LDLRAD3: variants seen among roughly 807,000 people sequenced by gnomAD.
The protein encoded by LDLRAD3 is low density lipoprotein receptor class A domain containing 3, also known as low-density lipoprotein receptor class A domain-containing protein 3.
LDLRAD3 carries 20 observed loss-of-function variants against 29.4 expected under a neutral mutation model. The observed-to-expected ratio is 0.68, with a 90% confidence interval of 0.48 to 0.99. The LOEUF (loss-of-function observed/expected upper bound fraction) is 0.99. LDLRAD3 is among the 50% of genes least tolerant of loss of function. The pLI is 0.00. For missense variants in LDLRAD3, 420 were observed against 454.3 expected (o/e 0.92, Z 0.69); for synonymous variants, 157 against 192.7 (o/e 0.81, Z 1.53).
At chr11:36,061,869 ATT>A (rs1201065067) in intron 2 of LDLRAD3, among the ~76,000 whole-genome samples, 1 of 152,194 alleles carries the variant, frequency 6.6e-6, no homozygotes, top group East Asian at 1.9e-4. Flanking sequence ...TCAATTGCTT[ATT>A]AGCTCATAAA....
At chr11:36,034,406 A>G (rs1488126595) in intron 1 of LDLRAD3, among the ~76,000 whole-genome samples, 1 of 152,064 alleles carries the variant, frequency 6.6e-6, no homozygotes, top group Admixed American at 6.5e-5. Context: ...CTGGCCACAT[A>G]TAGGGGTTGA....
At chr11:36,130,937 C>T (rs1853916915) in intron 4 of LDLRAD3, among the ~76,000 whole-genome samples, 1 of 152,174 alleles carries the variant, frequency 6.6e-6, no homozygotes. Flanking sequence ...ATCCTAATGT[C>T]TTTATCTAAC....
chr11:36,116,844 C>CTTTTTTT, intron 4 of LDLRAD3, among the ~76,000 whole-genome samples: 1 of 136,986 alleles, frequency 7.3e-6, no homozygotes, highest in Non-Finnish European at 1.6e-5. Flanking sequence ...TTCTTTTTTT[C>CTTTTTTT]TTTTTTTTTT....
chr11:36,090,937 C>T (rs1853271000), intron 3 of LDLRAD3, among the ~76,000 whole-genome samples: 1 of 152,160 alleles, frequency 6.6e-6, no homozygotes, highest in Admixed American at 6.5e-5. Context: ...TGACAGGTGT[C>T]AATAGGCAAG....
intron 1 of LDLRAD3, among the ~76,000 whole-genome samples, chr11:36,026,432 T>C (rs1852168074): frequency 6.6e-6 from 1 of 151,446 alleles, no homozygotes; most frequent in Admixed American, 6.5e-5. Context: ...TCTATTAGGA[T>C]TGGCTGGGTC....
intron 3 of LDLRAD3, among the ~76,000 whole-genome samples, chr11:36,088,698 A>C (rs1853232019): frequency 6.6e-6 from 1 of 152,144 alleles, no homozygotes. Context: ...AGCCGAGCTA[A>C]AAGTGTCAAC....
chr11:36,215,914 G>C (rs540743185), intron 4 of LDLRAD3, among the ~76,000 whole-genome samples: 13 of 152,276 alleles, frequency 8.5e-5, no homozygotes, highest in African/African-American at 2.2e-4. Context: ...TGACAAACTC[G>C]CAGATCCCAA....
intron 4 of LDLRAD3, among the ~76,000 whole-genome samples, chr11:36,171,233 C>G (rs192600531): frequency 5.0e-4 from 76 of 152,138 alleles, no homozygotes; most frequent in African/African-American, 1.8e-3. Context: ...AGATTTTCTC[C>G]CATTCTGTTG....
At chr11:36,206,357 A>T (rs1003721685) in intron 4 of LDLRAD3, among the ~76,000 whole-genome samples, 1 of 152,236 alleles carries the variant, frequency 6.6e-6, no homozygotes, top group East Asian at 1.9e-4. Flanking sequence ...GGTTATAAAC[A>T]TGACTGAGAG....
At chr11:36,151,366 C>A (rs542870288) in intron 4 of LDLRAD3, among the ~76,000 whole-genome samples, 1 of 152,188 alleles carries the variant, frequency 6.6e-6, no homozygotes, top group African/African-American at 2.4e-5. Flanking sequence ...CCATTTACAT[C>A]GAATACAGAA....
At chr11:36,003,288 A>C (rs1364516709) in intron 1 of LDLRAD3, among the ~76,000 whole-genome samples, 1 of 152,002 alleles carries the variant, frequency 6.6e-6, no homozygotes, top group Non-Finnish European at 1.5e-5. Flanking sequence ...TTCTGTTCTA[A>C]TACCCTTTTC....
At position 36,181,995 on chromosome 11, in the gene LDLRAD3, A is replaced by G. The variant is rs140361574; in HGVS notation, c.455-45090A>G. ...TTGACCCAAAGCATCAGAAATAAAA[A>G]GTCAGACTGAGTGACCTTAGCTGCT... On this transcript the variant is annotated intron_variant, in intron 4 of 5. Coordinates refer to ENST00000315571, the MANE Select transcript of LDLRAD3 (RefSeq NM_174902.4). Among the ~76,000 whole-genome samples the G allele has an allele frequency of 7.5e-3, 1,139 of 152,306 alleles. 11 individuals are homozygous for G. The highest frequency in any genetic ancestry group is 0.013 in the Non-Finnish European group (874 of 68,020).
chr11:35,953,642 T>C (rs1033351196), intron 1 of LDLRAD3, among the ~76,000 whole-genome samples: 15 of 152,166 alleles, frequency 9.9e-5, no homozygotes, highest in African/African-American at 3.6e-4. Flanking sequence ...GTCACACTTG[T>C]AGTTCCACAG....
intron 2 of LDLRAD3, among the ~76,000 whole-genome samples, chr11:36,061,989 A>C (rs1395566683): frequency 2.0e-5 from 3 of 152,128 alleles, no homozygotes; most frequent in Admixed American, 2.0e-4. Flanking sequence ...AAAAAAAAAA[A>C]AACAGTAGTT....
chr11:36,062,674 A>G (rs1230373340), intron 2 of LDLRAD3, among the ~76,000 whole-genome samples: 1 of 152,152 alleles, frequency 6.6e-6, no homozygotes, highest in Non-Finnish European at 1.5e-5. Flanking sequence ...ACAGTGAGTG[A>G]GTTCTCATGA....
chr11:35,992,502 TTATTCAGCCATAC>T (rs1423603714), intron 1 of LDLRAD3, among the ~76,000 whole-genome samples: 1 of 152,222 alleles, frequency 6.6e-6, no homozygotes, highest in East Asian at 1.9e-4. Flanking sequence ...CAATGGGATA[TTATTCAGCCATAC>T]AAAGGAACAA....
intron 1 of LDLRAD3, among the ~76,000 whole-genome samples, chr11:36,031,140 G>A (rs1158977523): frequency 6.6e-6 from 1 of 151,990 alleles, no homozygotes; most frequent in African/African-American, 2.4e-5. Context: ...ATGTGCTGCA[G>A]TGAAAATGGG....
At chr11:36,193,483 C>G (rs1046069565) in intron 4 of LDLRAD3, among the ~76,000 whole-genome samples, 1 of 152,134 alleles carries the variant, frequency 6.6e-6, no homozygotes, top group East Asian at 1.9e-4. Flanking sequence ...GTTAGAAGAT[C>G]GAAACACCCC....
chr11:35,995,461 T>G (rs1851742505), intron 1 of LDLRAD3, among the ~76,000 whole-genome samples: 1 of 152,164 alleles, frequency 6.6e-6, no homozygotes, highest in South Asian at 2.1e-4. Flanking sequence ...ATTTACAGAG[T>G]GCAGGCAGGT....
Sources: allele counts gnomAD v4.1 joint callset (sites outside exome capture counted in the v4.1 genomes callset), GRCh38; gene constraint gnomAD v4.1.1; transcripts MANE v1.5; gene names NCBI Gene and HGNC (gene_info 2026-07-23, HGNC 2026-07-21).